Variants in COL24A1 observed in about 807,000 individuals in gnomAD.
COL24A1 encodes collagen type XXIV alpha 1 chain, also known as collagen alpha-1(XXIV) chain.
Under a neutral mutation model 253.9 loss-of-function variants are expected in COL24A1, and 224 were observed. The ratio of observed to expected loss-of-function variants is 0.88; its 90% CI spans 0.79 to 0.99. The LOEUF is 0.99. Ranked by LOEUF, COL24A1 falls within the 50% of genes least tolerant of loss-of-function variation. The pLI is 0.00. For missense variants in COL24A1, 2,131 were observed against 2,068.5 expected (o/e 1.03, Z -0.59); for synonymous variants, 685 against 673.7 (o/e 1.02, Z -0.26).
intron 57 of COL24A1, among the ~76,000 whole-genome samples, chr1:85,742,751 C>A (rs1240997804): frequency 6.6e-6 from 1 of 152,112 alleles, no homozygotes; most frequent in African/African-American, 2.4e-5. Flanking sequence ...TCTCTCATAA[C>A]CCACATCCAA....
chr1:85,895,948 A>G, intron 30 of COL24A1, 46 bp from the exon 31 acceptor site: 1 of 1,601,406 alleles, frequency 6.2e-7, no homozygotes, highest in Non-Finnish European at 8.5e-7. Flanking sequence ...CCCTCCAAAA[A>G]GATTAATCAT....
intron 37 of COL24A1, among the ~76,000 whole-genome samples, chr1:85,854,598 G>A (rs960179099): frequency 4.6e-5 from 7 of 152,106 alleles, no homozygotes; most frequent in Non-Finnish European, 8.8e-5. Flanking sequence ...CTATCCATGA[G>A]CATAGAAGGT....
At chr1:86,153,697 T>G (rs1220895321) in intron 1 of COL24A1, among the ~76,000 whole-genome samples, 1 of 152,214 alleles carries the variant, frequency 6.6e-6, no homozygotes, top group Non-Finnish European at 1.5e-5. Context: ...TTTTAAAAAT[T>G]TATTTGAACA....
intron 57 of COL24A1, 70 bp from the exon 58 acceptor site, chr1:85,737,575 T>G: frequency 8.8e-7 from 1 of 1,137,842 alleles, no homozygotes; most frequent in Non-Finnish European, 1.2e-6. Context: ...TCTTTTTTTT[T>G]TTTGAGAGAG....
chr1:86,106,501 A>C (rs1365108174), intron 5 of COL24A1, among the ~76,000 whole-genome samples: 1 of 152,200 alleles, frequency 6.6e-6, no homozygotes, highest in Non-Finnish European at 1.5e-5. Context: ...TCTTGACCAC[A>C]GATTGCCTGG....
chr1:85,884,748 C>A (rs1682273578), intron 32 of COL24A1, among the ~76,000 whole-genome samples: 1 of 152,106 alleles, frequency 6.6e-6, no homozygotes, highest in Non-Finnish European at 1.5e-5. Context: ...AATAATTTCC[C>A]TGGAGGGCAA....
intron 39 of COL24A1, among the ~76,000 whole-genome samples, chr1:85,846,194 A>T (rs534894698): frequency 6.6e-6 from 1 of 151,968 alleles, no homozygotes; most frequent in South Asian, 2.1e-4. Context: ...GAAAAAATAA[A>T]CTTAGTCTTC....
chr1:85,934,393 A>C (rs1353283150), intron 24 of COL24A1, among the ~76,000 whole-genome samples: 1 of 152,114 alleles, frequency 6.6e-6, no homozygotes, highest in Non-Finnish European at 1.5e-5. Context: ...TTTTATTAAG[A>C]CTTTGACTCC....
intron 4 of COL24A1, 104 bp downstream of exon 4, chr1:86,115,221 C>T (rs1706021734): frequency 2.7e-6 from 3 of 1,101,412 alleles, no homozygotes; most frequent in Non-Finnish European, 3.9e-6. Flanking sequence ...TTTGAAGATC[C>T]AGGCAGGTTT....
chr1:85,925,095 C>T (rs577009793), intron 24 of COL24A1, among the ~76,000 whole-genome samples: 1 of 152,176 alleles, frequency 6.6e-6, no homozygotes, highest in Admixed American at 6.5e-5. Context: ...GAATAAAATA[C>T]CTAGGAATCC....
chr1:85,948,717 T>TAG (rs1689593552), intron 24 of COL24A1, among the ~76,000 whole-genome samples: 2 of 151,846 alleles, frequency 1.3e-5, no homozygotes, highest in South Asian at 4.2e-4. Flanking sequence ...TAACTCATTC[T>TAG]ATGAGGCCAG....
At chr1:86,148,046 T>C (rs1889852) in intron 1 of COL24A1, among the ~76,000 whole-genome samples, 105,931 of 152,064 alleles carry the variant, frequency 0.7, 37,873 homozygotes, top group Non-Finnish European at 0.77. Context: ...CTGACGCTAC[T>C]GATCTGGGAC....
intron 47 of COL24A1, among the ~76,000 whole-genome samples, chr1:85,797,460 G>A (rs1255744305): frequency 6.6e-6 from 1 of 152,088 alleles, no homozygotes; most frequent in Non-Finnish European, 1.5e-5. Flanking sequence ...AAAGTTAGAG[G>A]GAAAAATGGA....
chr1:86,056,355 G>T (rs1442895452), intron 10 of COL24A1, among the ~76,000 whole-genome samples: 2 of 152,144 alleles, frequency 1.3e-5, no homozygotes, highest in African/African-American at 4.8e-5. Context: ...CTATAACTTT[G>T]CCAGATCAAG....
intron 56 of COL24A1, among the ~76,000 whole-genome samples, chr1:85,745,144 C>T (rs1483462239): frequency 6.6e-6 from 1 of 151,980 alleles, no homozygotes; most frequent in East Asian, 1.9e-4. Flanking sequence ...ATATATATCT[C>T]ATTTTAAGAA....
At chr1:85,769,254 T>C (rs946668664) in intron 53 of COL24A1, among the ~76,000 whole-genome samples, 5 of 152,138 alleles carry the variant, frequency 3.3e-5, no homozygotes, top group Admixed American at 6.6e-5. Context: ...AAAATGTTTG[T>C]GTCTTCAAGG....
chr1:86,034,670 G>T (rs145627450), intron 12 of COL24A1, among the ~76,000 whole-genome samples: 325 of 152,162 alleles, frequency 2.1e-3, no homozygotes, highest in African/African-American at 7.5e-3. Context: ...TTAAAATGAG[G>T]TGAAAATTAA....
At chr1:85,759,217 T>G (rs1666588919) in intron 55 of COL24A1, among the ~76,000 whole-genome samples, 1 of 152,346 alleles carries the variant, frequency 6.6e-6, no homozygotes, top group Non-Finnish European at 1.5e-5. Flanking sequence ...TCCTGAGATG[T>G]TGCCTTTTTT....
At chr1:86,152,796 A>T (rs529918191) in intron 1 of COL24A1, among the ~76,000 whole-genome samples, 1 of 152,362 alleles carries the variant, frequency 6.6e-6, no homozygotes, top group South Asian at 2.1e-4. Flanking sequence ...CTAGTGTTAG[A>T]TAAAGATTTT....
Sources: allele counts gnomAD v4.1 joint callset (sites outside exome capture counted in the v4.1 genomes callset), GRCh38; gene constraint gnomAD v4.1.1; transcripts MANE v1.5; gene names NCBI Gene and HGNC (gene_info 2026-07-23, HGNC 2026-07-21).